Variants in REDIC1 observed in about 807,000 individuals in gnomAD.
The protein encoded by REDIC1 is regulator of DNA class I crossover intermediates 1.
At chr12:39,743,085 G>A in the REDIC1 span, among the ~76,000 whole-genome samples, 28 of 152,168 alleles carry the variant, frequency 1.8e-4, no homozygotes, top group Admixed American at 7.9e-4. Context: ...TGTGCCTCTG[G>A]TAGCGGGGAA....
the REDIC1 span, among the ~76,000 whole-genome samples, chr12:39,853,322 T>C: frequency 6.6e-6 from 1 of 152,180 alleles, no homozygotes; most frequent in East Asian, 1.9e-4. Flanking sequence ...TAAGTGCTGT[T>C]TGGCAATACT....
the REDIC1 span, among the ~76,000 whole-genome samples, chr12:39,870,005 C>T: frequency 6.6e-6 from 1 of 152,162 alleles, no homozygotes; most frequent in Non-Finnish European, 1.5e-5. Flanking sequence ...CCCAAAGTCA[C>T]ACTATTCAAA....
chr12:39,820,124 C>T, the REDIC1 span, among the ~76,000 whole-genome samples: 2 of 151,416 alleles, frequency 1.3e-5, no homozygotes, highest in Non-Finnish European at 2.9e-5. Flanking sequence ...TAAATGACAA[C>T]AAAAAGAAAA....
At chr12:39,700,391 G>T in the REDIC1 span, among the ~76,000 whole-genome samples, 1 of 152,124 alleles carries the variant, frequency 6.6e-6, no homozygotes, top group African/African-American at 2.4e-5. Context: ...AGAGAAAAAA[G>T]AATAAAAAGC....
chr12:39,857,435 A>G, the REDIC1 span, among the ~76,000 whole-genome samples: 1 of 152,168 alleles, frequency 6.6e-6, no homozygotes, highest in Non-Finnish European at 1.5e-5. Flanking sequence ...ATTTTCATCT[A>G]TTATCCAGCT....
At chr12:39,795,901 C>A in the REDIC1 span, among the ~76,000 whole-genome samples, 2 of 152,086 alleles carry the variant, frequency 1.3e-5, no homozygotes, top group African/African-American at 4.8e-5. Context: ...CACATGTCAT[C>A]AATTCATCCT....
At chr12:39,675,318 A>T in the REDIC1 span, among the ~76,000 whole-genome samples, 14 of 150,222 alleles carry the variant, frequency 9.3e-5, 1 homozygote, top group Admixed American at 7.9e-4. Flanking sequence ...CCCTTACCTG[A>T]TTTTTTTTTT....
chr12:39,766,725 A>G, the REDIC1 span, among the ~76,000 whole-genome samples: 144 of 152,244 alleles, frequency 9.5e-4, 2 homozygotes, highest in African/African-American at 3.2e-3. Flanking sequence ...TATCATTTCA[A>G]CAATGTTCAT....
At chr12:39,858,893 A>G in the REDIC1 span, among the ~76,000 whole-genome samples, 84 of 152,278 alleles carry the variant, frequency 5.5e-4, no homozygotes, top group African/African-American at 1.9e-3. Context: ...GGTGTGACGC[A>G]CCGTGCCCGA....
the REDIC1 span, among the ~76,000 whole-genome samples, chr12:39,837,676 C>T: frequency 4.2e-3 from 636 of 151,782 alleles, 6 homozygotes; most frequent in Middle Eastern, 6.8e-3. Context: ...AAAAAGTGGG[C>T]GAAGGACATG....
the REDIC1 span, among the ~76,000 whole-genome samples, chr12:39,824,347 C>A: frequency 2.0e-5 from 3 of 152,134 alleles, no homozygotes; most frequent in South Asian, 6.2e-4. Flanking sequence ...ATTCTAGCAG[C>A]GCTCTTACAA....
At chr12:39,725,783 A>G in the REDIC1 span, among the ~76,000 whole-genome samples, 1 of 151,674 alleles carries the variant, frequency 6.6e-6, no homozygotes, top group South Asian at 2.1e-4. Context: ...TATATAATTG[A>G]TATCTATAAA....
chr12:39,737,453 C>A, the REDIC1 span, among the ~76,000 whole-genome samples: 3 of 152,160 alleles, frequency 2.0e-5, no homozygotes, highest in Non-Finnish European at 2.9e-5. Context: ...AGGTCGAGAG[C>A]CACTGTATCT....
chr12:39,858,211 T>C, the REDIC1 span, among the ~76,000 whole-genome samples: 1 of 152,214 alleles, frequency 6.6e-6, no homozygotes, highest in African/African-American at 2.4e-5. Context: ...ATATGTGCAG[T>C]TATTTGGCAA....
the REDIC1 span, among the ~76,000 whole-genome samples, chr12:39,712,834 C>CATATACACGTATATACACATATGT: frequency 1.5e-5 from 2 of 132,198 alleles, no homozygotes; most frequent in African/African-American, 2.6e-5. Context: ...TATGTATATA[C>CATATACACGTATATACACATATGT]ATATACACGT....
At chr12:39,698,386 A>G in the REDIC1 span, among the ~76,000 whole-genome samples, 396 of 146,164 alleles carry the variant, frequency 2.7e-3, 3 homozygotes, top group Non-Finnish European at 3.4e-3. Context: ...CACACTCCCA[A>G]TACGATAATA....
chr12:39,835,234 T>C, the REDIC1 span, among the ~76,000 whole-genome samples: 1 of 152,056 alleles, frequency 6.6e-6, no homozygotes, highest in African/African-American at 2.4e-5. Flanking sequence ...AAGTTTTCTA[T>C]CTCAAGAGCA....
At chr12:39,715,563 C>A in the REDIC1 span, among the ~76,000 whole-genome samples, 1 of 151,872 alleles carries the variant, frequency 6.6e-6, no homozygotes, top group East Asian at 1.9e-4. Context: ...CTTCACAGAA[C>A]TAGAAAAAAC....
the REDIC1 span, among the ~76,000 whole-genome samples, chr12:39,714,072 C>CACATGTATATACACGTAT: frequency 1.3e-4 from 1 of 7,778 alleles, no homozygotes; most frequent in South Asian, 2.8e-3. Context: ...TGTGTATATA[C>CACATGTATATACACGTAT]GTGTATATAC....
Sources: allele counts gnomAD v4.1 joint callset (sites outside exome capture counted in the v4.1 genomes callset), GRCh38; gene constraint gnomAD v4.1.1; transcripts MANE v1.5; gene names NCBI Gene and HGNC (gene_info 2026-07-23, HGNC 2026-07-21).